The following FAM193A variants were observed in gnomAD, a reference collection of about 807,000 sequenced individuals.
The protein encoded by FAM193A is family with sequence similarity 193 member A.
A neutral mutation model predicts 126.5 loss-of-function variants in FAM193A; 22 were observed. The ratio of observed to expected loss-of-function variants is 0.17; its 90% CI spans 0.12 to 0.25. The LOEUF (loss-of-function observed/expected upper bound fraction) is 0.25, where lower values mean the gene tolerates loss of function less well. FAM193A is among the 10% of genes least tolerant of loss of function. The probability of loss-of-function intolerance (pLI) is 1.00; values close to 1 mark genes in which losing one functional copy is unlikely to be tolerated. For synonymous variants in FAM193A, 761 were observed against 646.8 expected, an observed-to-expected ratio of 1.18 and a Z score of -2.68; for missense variants, 1,675 against 1,672.8, an observed-to-expected ratio of 1.00 and a Z score of -0.02.
chr4:2,581,354 A>G (rs1476820097), intron 1 of FAM193A, among the ~76,000 whole-genome samples: 10 of 150,860 alleles, frequency 6.6e-5, no homozygotes, highest in Non-Finnish European at 1.5e-4. Context: ...CCCAGGTCCA[A>G]GTAATTCTCC....
chr4:2,546,607 G>C (rs145004629), intron 1 of FAM193A, among the ~76,000 whole-genome samples: 201 of 152,232 alleles, frequency 1.3e-3, no homozygotes, highest in African/African-American at 4.7e-3. Context: ...TCAGTAGCTT[G>C]TTCTTTTTTA....
chr4:2,582,727 T>C lies in FAM193A; in HGVS notation c.256-13357T>C, dbSNP rs191112219. 1.1e-4 allele frequency among the ~76,000 whole-genome samples: 16 copies of C among 152,290 alleles called. No individual in the cohort carries two copies. In the East Asian group the frequency reaches 1.2e-3, roughly 11 times the overall value. On this transcript the variant is annotated intron_variant, in intron 1 of 20. Transcript: ENST00000637812. Reference sequence around the variant, plus strand: ...TCAGTTTATTATTTGCTGTGTGTTATGCAGCACAGGCTTTGAATGTTTGTA... The same window carrying C: ...TCAGTTTATTATTTGCTGTGTGTTACGCAGCACAGGCTTTGAATGTTTGTA...
chr4:2,652,362 A>G (rs1745752958), intron 7 of FAM193A, among the ~76,000 whole-genome samples: 1 of 152,162 alleles, frequency 6.6e-6, no homozygotes. Flanking sequence ...TGTTCACTTG[A>G]TTTATCCCTG....
intron 1 of FAM193A, among the ~76,000 whole-genome samples, chr4:2,576,653 A>G (rs927221776): frequency 1.3e-5 from 2 of 152,176 alleles, no homozygotes; most frequent in African/African-American, 4.8e-5. Context: ...ACAGGTGTGC[A>G]CCACCATGCC....
chr4:2,649,968 G>A (rs910663343), intron 7 of FAM193A, among the ~76,000 whole-genome samples: 2 of 152,178 alleles, frequency 1.3e-5, no homozygotes, highest in African/African-American at 4.8e-5. Flanking sequence ...GAACCCTATT[G>A]TGAACTGCGT....
At chr4:2,625,015 G>A (rs1742813317) in intron 2 of FAM193A, among the ~76,000 whole-genome samples, 2 of 152,090 alleles carry the variant, frequency 1.3e-5, no homozygotes, top group Admixed American at 1.3e-4. Context: ...GCACCAACAC[G>A]CCCGGCCTAT....
intron 1 of FAM193A, among the ~76,000 whole-genome samples, chr4:2,579,970 C>T (rs1002013844): frequency 2.0e-5 from 3 of 152,120 alleles, no homozygotes; most frequent in South Asian, 4.1e-4. Flanking sequence ...TACAAAGACA[C>T]ATGCATGCGT....
At chr4:2,603,416 C>G (rs1386630749) in intron 2 of FAM193A, among the ~76,000 whole-genome samples, 1 of 149,888 alleles carries the variant, frequency 6.7e-6, no homozygotes, top group Non-Finnish European at 1.5e-5. Flanking sequence ...GCCCTAGTAG[C>G]TGGGATTACA....
intron 13 of FAM193A, among the ~76,000 whole-genome samples, chr4:2,682,224 T>C (rs1011359778): frequency 6.6e-6 from 1 of 152,162 alleles, no homozygotes; most frequent in Non-Finnish European, 1.5e-5. Flanking sequence ...GACCTTGTGA[T>C]CCGCCCACCT....
chr4:2,606,685 GTT>G (rs941619134), intron 2 of FAM193A, among the ~76,000 whole-genome samples: 22 of 152,186 alleles, frequency 1.4e-4, no homozygotes, highest in African/African-American at 4.3e-4. Context: ...TAAAGTATTG[GTT>G]TACTAAGGTA....
chr4:2,639,928 G>C lies in FAM193A; in HGVS notation c.1163+69G>C, dbSNP rs981912983. Reference sequence around the variant, plus strand: ...CAGTCTTTTCTCCTGACTGGTGTGCGTGTACCCGAGTACCACTGAGTATGA... The same window carrying C: ...CAGTCTTTTCTCCTGACTGGTGTGCCTGTACCCGAGTACCACTGAGTATGA... On this transcript the variant is annotated intron_variant, in intron 6 of 20. Coordinates refer to ENST00000637812, the MANE Select transcript of FAM193A (RefSeq NM_001366318.2). 3.4e-6 allele frequency: 5 copies of C among 1,457,906 alleles called. No individual in the cohort carries two copies. In the Admixed American group the frequency reaches 7.8e-5, roughly 23 times the overall value. The allele number at this position is 1,457,906 out of a possible 1,614,324, so 90.3% of individuals were successfully genotyped here.
chr4:2,689,609 A>C lies in FAM193A; in HGVS notation c.2435A>C (p.Glu812Ala), dbSNP rs1215353007. 1.3e-6 allele frequency: 2 copies of C among 1,568,040 alleles called. No homozygotes were observed. Among genetic ancestry groups the C allele is most frequent in the Non-Finnish European group, 8.6e-7 (1 of 1,163,386 alleles). Residue 812 changes from glutamate (E) to alanine (A), a missense_variant, in exon 14 of 21, where the codon GAG (glutamate) becomes GCG (alanine). Coordinates refer to ENST00000637812, the MANE Select transcript of FAM193A (RefSeq NM_001366318.2). ...CCGAGCTGTTTTGGGAATACTCCAG[A>C]GTGGAATAGTTCTAAATTTATAAGT... Reference protein sequence around the residue: ...IYPSCFGNTPEWNSSKFISLW... With the variant: ...IYPSCFGNTPAWNSSKFISLW...
chr4:2,575,197 A>G (rs553238455), intron 1 of FAM193A, among the ~76,000 whole-genome samples: 24 of 152,304 alleles, frequency 1.6e-4, no homozygotes, highest in Non-Finnish European at 2.8e-4. Context: ...CCTATGCCCC[A>G]AGAAAGCATA....
chr4:2,549,521 C>T (rs1306653513), intron 1 of FAM193A, among the ~76,000 whole-genome samples: 1 of 145,750 alleles, frequency 6.9e-6, no homozygotes, highest in African/African-American at 2.5e-5. Context: ...CTCAGCCTCC[C>T]AAGTAGCTGG....
chr4:2,605,596 G>A (rs900176977), intron 2 of FAM193A, among the ~76,000 whole-genome samples: 3 of 152,136 alleles, frequency 2.0e-5, no homozygotes, highest in African/African-American at 7.2e-5. Flanking sequence ...TGAGCCATAG[G>A]TGGTTTATAT....
At chr4:2,613,190 A>C (rs1431027270) in intron 2 of FAM193A, among the ~76,000 whole-genome samples, 1 of 152,164 alleles carries the variant, frequency 6.6e-6, no homozygotes, top group Non-Finnish European at 1.5e-5. Flanking sequence ...GTAATCCAGC[A>C]CTTTGGGAGT....
At chr4:2,558,846 C>T (rs577552040) in intron 1 of FAM193A, among the ~76,000 whole-genome samples, 3 of 152,136 alleles carry the variant, frequency 2.0e-5, no homozygotes, top group South Asian at 2.1e-4. Context: ...ACTAAAAATA[C>T]AAAAGTTAGC....
intron 6 of FAM193A, among the ~76,000 whole-genome samples, chr4:2,645,617 C>T (rs749206710): frequency 6.6e-6 from 1 of 152,064 alleles, no homozygotes; most frequent in Non-Finnish European, 1.5e-5. Context: ...ACCTCTGCCT[C>T]CCAGGTTCAA....
At chr4:2,666,674 C>T (rs887177255) in intron 12 of FAM193A, among the ~76,000 whole-genome samples, 1 of 152,124 alleles carries the variant, frequency 6.6e-6, no homozygotes, top group African/African-American at 2.4e-5. Flanking sequence ...ATTACTAATT[C>T]AAGTTTCATT....
Sources: allele counts gnomAD v4.1 joint callset (sites outside exome capture counted in the v4.1 genomes callset), GRCh38; gene constraint gnomAD v4.1.1; transcripts MANE v1.5; gene names NCBI Gene and HGNC (gene_info 2026-07-23, HGNC 2026-07-21).